The following CLCN3 variants were observed in gnomAD, a reference collection of about 807,000 sequenced individuals.
The protein encoded by CLCN3 is Cl-/H+ antiporter 3.
In CLCN3, 16 loss-of-function variants were observed where a neutral mutation model predicts 83.4. The ratio of observed to expected loss-of-function variants is 0.19; its 90% CI spans 0.13 to 0.29. CLCN3 has a LOEUF of 0.29. CLCN3 is among the 10% of genes least tolerant of loss of function. The pLI is 1.00. For missense variants in CLCN3, 544 were observed against 1,006.0 expected (o/e 0.54, Z 6.21); for synonymous variants, 322 against 346.2 (o/e 0.93, Z 0.78).
chr4:169,709,677 CA>C (rs80258467), intron 11 of CLCN3, among the ~76,000 whole-genome samples: 421 of 128,860 alleles, frequency 3.3e-3, no homozygotes, highest in Admixed American at 3.3e-3. Context: ...AACCCTGTCT[CA>C]AAAAAAAAAA....
chr4:169,689,164 A>T lies in CLCN3; in HGVS notation c.540A>T (p.Thr180=). The change falls in exon 5 of 13, where the codon ACA becomes ACT. Residue 180 remains threonine (T), a synonymous_variant. Transcript: ENST00000513761. ...GCTGTTGGGGATCTAATGAAACAAC[A>T]TTTGAAGAGAGGGATAAATGTCCAC... The part of the protein sequence containing the change: ...EQCCWGSNET[T]FEERDKCPQW... The T allele has an allele frequency of 6.2e-7, 1 of 1,614,060 alleles. No individual in the cohort carries two copies. The highest frequency in any genetic ancestry group is 8.5e-7 in the Non-Finnish European group (1 of 1,179,992).
chr4:169,693,496 C>T (rs1378917042), intron 7 of CLCN3, among the ~76,000 whole-genome samples: 3 of 152,070 alleles, frequency 2.0e-5, no homozygotes, highest in South Asian at 4.1e-4. Context: ...CTAACTTGCC[C>T]GAGACTACAT....
At chr4:169,646,516 G>A (rs1216631534) in intron 2 of CLCN3, among the ~76,000 whole-genome samples, 2 of 151,860 alleles carry the variant, frequency 1.3e-5, no homozygotes, top group Non-Finnish European at 2.9e-5. Context: ...GGCTGGTCTC[G>A]AATTCTTGAC....
chr4:169,707,298 T>G, intron 11 of CLCN3, 32 bp downstream of exon 11: 3 of 1,479,934 alleles, frequency 2.0e-6, no homozygotes, highest in Non-Finnish European at 1.8e-6. Flanking sequence ...TATGTATATA[T>G]GAGATGGATT....
chr4:169,631,917 A>G (rs1398812357), intron 1 of CLCN3, among the ~76,000 whole-genome samples: 1 of 152,122 alleles, frequency 6.6e-6, no homozygotes, highest in Non-Finnish European at 1.5e-5. Flanking sequence ...CCAAAATGGA[A>G]TCGGTAATAA....
intron 12 of CLCN3, among the ~76,000 whole-genome samples, chr4:169,714,611 T>C (rs1733355987): frequency 6.6e-6 from 1 of 152,170 alleles, no homozygotes; most frequent in East Asian, 1.9e-4. Flanking sequence ...CTGATAGAAA[T>C]CCTCTTTCTT....
At chr4:169,704,309 A>G in intron 10 of CLCN3, 125 bp downstream of exon 10, 4 of 748,754 alleles carry the variant, frequency 5.3e-6, no homozygotes, top group Non-Finnish European at 8.8e-6. Context: ...CCAGGAGGAG[A>G]TGTTTTAACA....
In CLCN3 at chr4:169,697,489, G is replaced by A; in HGVS notation, c.1318G>A (p.Val440Met). The change falls in exon 9 of 13, where the codon GTG (valine) becomes ATG (methionine). Residue 440 changes from valine (V) to methionine (M), a missense_variant. Coordinates refer to ENST00000513761, the MANE Select transcript of CLCN3 (RefSeq NM_001829.4). ...EVIIVAAITA[V>M]IAFPNPYTRL... ...CATTATTGTTGCAGCCATTACTGCT[G>A]TGATAGCCTTCCCTAATCCATACAC... 6.2e-7 allele frequency: 1 copy of A among 1,614,216 alleles called. No homozygotes were observed. Among genetic ancestry groups the A allele is most frequent in the Non-Finnish European group, 8.5e-7 (1 of 1,180,046 alleles).
intron 1 of CLCN3, among the ~76,000 whole-genome samples, chr4:169,629,394 T>G (rs529184700): frequency 6.6e-6 from 1 of 151,888 alleles, no homozygotes. Flanking sequence ...TTGAGGCAGA[T>G]CTTGCTCAGT....
At chr4:169,622,845 G>A (rs1773141895) in intron 1 of CLCN3, among the ~76,000 whole-genome samples, 1 of 152,176 alleles carries the variant, frequency 6.6e-6, no homozygotes, top group Non-Finnish European at 1.5e-5. Context: ...GAGGGACGTG[G>A]CTTGTAGGTT....
intron 7 of CLCN3, among the ~76,000 whole-genome samples, chr4:169,694,152 C>T (rs1732478999): frequency 6.6e-6 from 1 of 151,930 alleles, no homozygotes; most frequent in Admixed American, 6.6e-5. Context: ...TAAGCAGAGT[C>T]TACATTTTAA....
At chr4:169,660,387 C>A in intron 2 of CLCN3, 1 of 1,406,900 alleles carries the variant, frequency 7.1e-7, no homozygotes, top group Non-Finnish European at 9.2e-7. Context: ...CTTCTTCCGA[C>A]CCTTATTTGC....
intron 2 of CLCN3, among the ~76,000 whole-genome samples, chr4:169,679,316 C>G (rs986996744): frequency 9.9e-5 from 15 of 151,868 alleles, no homozygotes; most frequent in Admixed American, 8.5e-4. Context: ...AGACGCTCCT[C>G]ACTTCCTAGA....
intron 10 of CLCN3, among the ~76,000 whole-genome samples, chr4:169,704,431 C>T (rs1732913265): frequency 1.3e-5 from 2 of 152,210 alleles, no homozygotes; most frequent in South Asian, 2.1e-4. Flanking sequence ...TAACTTAATA[C>T]ACTATGGCAG....
chr4:169,649,855 G>A (rs1440464591), intron 2 of CLCN3, among the ~76,000 whole-genome samples: 1 of 152,180 alleles, frequency 6.6e-6, no homozygotes, highest in Non-Finnish European at 1.5e-5. Context: ...AGGCCGAAGC[G>A]GGCAGATTGC....
intron 2 of CLCN3, among the ~76,000 whole-genome samples, chr4:169,667,121 A>G (rs1462032995): frequency 3.3e-5 from 5 of 152,096 alleles, no homozygotes; most frequent in Admixed American, 3.3e-4. Flanking sequence ...CCTGTATTTT[A>G]TAATTTTAGC....
At chr4:169,637,177 A>G (rs1730235605) in intron 2 of CLCN3, among the ~76,000 whole-genome samples, 1 of 152,168 alleles carries the variant, frequency 6.6e-6, no homozygotes, top group Non-Finnish European at 1.5e-5. Context: ...CTTTTAAAGC[A>G]CCTATTCAGT....
chr4:169,625,207 T>C (rs546439306), intron 1 of CLCN3, among the ~76,000 whole-genome samples: 2 of 152,350 alleles, frequency 1.3e-5, no homozygotes, highest in Admixed American at 6.5e-5. Flanking sequence ...CCATCGTTGC[T>C]CTTGAGACTT....
intron 12 of CLCN3, among the ~76,000 whole-genome samples, chr4:169,716,144 A>T (rs1418764573): frequency 6.6e-6 from 1 of 152,178 alleles, no homozygotes; most frequent in Non-Finnish European, 1.5e-5. Flanking sequence ...TATATGAGCC[A>T]CATTTTGCGT....
Sources: allele counts gnomAD v4.1 joint callset (sites outside exome capture counted in the v4.1 genomes callset), GRCh38; gene constraint gnomAD v4.1.1; transcripts MANE v1.5; gene names NCBI Gene and HGNC (gene_info 2026-07-23, HGNC 2026-07-21).